The following NIPSNAP1 variants were observed in gnomAD, a reference collection of about 807,000 sequenced individuals.
The protein encoded by NIPSNAP1 is protein NipSnap homolog 1.
Under a neutral mutation model 49.2 loss-of-function variants are expected in NIPSNAP1, and 25 were observed. That is an observed-to-expected ratio of 0.51 (90% CI 0.37 to 0.71). The LOEUF (loss-of-function observed/expected upper bound fraction) is 0.71. NIPSNAP1 is among the 30% of genes least tolerant of loss of function. The pLI is 0.00. For missense variants in NIPSNAP1, 294 were observed against 361.0 expected (o/e 0.81, Z 1.50); for synonymous variants, 143 against 140.7 (o/e 1.02, Z -0.12).
In NIPSNAP1 at chr22:29,560,770, G is replaced by C; in HGVS notation, c.670C>G (p.Gln224Glu). 1 of 1,614,142 alleles carries C rather than the reference G, an allele frequency of 6.2e-7. No homozygotes were observed. The highest frequency in any genetic ancestry group is 8.5e-7 in the Non-Finnish European group (1 of 1,180,028). ...NQEAVGGFFS[Q>E]IGELYVVHHL... is the part of the protein sequence containing the mutation. ...TGCACCACGTAGAGCTCTCCTATCT[G>C]TGAGAAGAAGCCGCCCACTGCCTCC... Residue 224 changes from glutamine (Q) to glutamate (E), a missense_variant, in exon 8 of 10, where the codon CAG becomes GAG. Physicochemically the swap from Gln to Glu is conservative, Grantham distance 29. Transcript: ENST00000216121.
At chr22:29,557,079 G>A (rs1214924685) in intron 9 of NIPSNAP1, among the ~76,000 whole-genome samples, 2 of 151,770 alleles carry the variant, frequency 1.3e-5, no homozygotes, top group African/African-American at 4.8e-5. Flanking sequence ...AGCTCCCAGG[G>A]GATGCCAATA....
intron 1 of NIPSNAP1, 106 bp downstream of exon 1, chr22:29,580,879 A>G: frequency 2.3e-6 from 2 of 878,034 alleles, no homozygotes; most frequent in Non-Finnish European, 3.3e-6. Flanking sequence ...TCTAACCCCC[A>G]GATTCCAAGC....
chr22:29,556,793 AGGCTGGAGTGCAATGGC>A (rs2064297628), intron 9 of NIPSNAP1, among the ~76,000 whole-genome samples: 1 of 152,190 alleles, frequency 6.6e-6, no homozygotes, highest in Admixed American at 6.5e-5. Context: ...CTTGTTGCCC[AGGCTGGAGTGCAATGGC>A]ACTATCTCGG....
chr22:29,564,630 T>C (rs1601490387), intron 4 of NIPSNAP1, among the ~76,000 whole-genome samples: 1 of 151,790 alleles, frequency 6.6e-6, no homozygotes, highest in African/African-American at 2.4e-5. Context: ...GCCAGGCTGG[T>C]CTTGAACTCC....
Sources: gnomAD v4.1 joint callset for allele counts (sites outside exome capture counted in the v4.1 genomes callset) on GRCh38, gnomAD v4.1.1 for gene constraint, MANE v1.5 for transcripts, NCBI Gene and HGNC (gene_info 2026-07-23, HGNC 2026-07-21) for gene names.